Variants in XKR6 observed in about 807,000 individuals in gnomAD.
The protein encoded by XKR6 is XK-related protein 6.
Under a neutral mutation model 56.7 loss-of-function variants are expected in XKR6, and 22 were observed. The observed-to-expected ratio is 0.39, with a 90% CI of 0.28 to 0.55. The LOEUF is 0.55. Among genes scored for constraint, XKR6 ranks in the 20% least tolerant of loss-of-function variants. XKR6 has a pLI of 0.66. For synonymous variants in XKR6, 524 were observed against 387.8 expected, an observed-to-expected ratio of 1.35 and a Z score of -4.13; for missense variants, 852 against 889.0, an observed-to-expected ratio of 0.96 and a Z score of 0.53.
intron 1 of XKR6, among the ~76,000 whole-genome samples, chr8:10,939,654 C>T (rs569094702): frequency 6.6e-6 from 1 of 152,352 alleles, no homozygotes; most frequent in South Asian, 2.1e-4. Flanking sequence ...CCTAAGACTC[C>T]AGGCTGGTTC....
intron 1 of XKR6, among the ~76,000 whole-genome samples, chr8:11,092,953 C>G (rs569907780): frequency 2.6e-5 from 4 of 152,248 alleles, no homozygotes; most frequent in Non-Finnish European, 5.9e-5. Context: ...CTCCTGCCCA[C>G]CATGCAGCCC....
chr8:10,902,140 G>T (rs955510477), intron 2 of XKR6, among the ~76,000 whole-genome samples: 7 of 152,130 alleles, frequency 4.6e-5, no homozygotes, highest in Non-Finnish European at 1.0e-4. Flanking sequence ...TCGCCCAAGG[G>T]TACTGCACAG....
At position 11,059,582 on chromosome 8, in the gene XKR6, G is replaced by A. The variant is rs1042395759; in HGVS notation, c.765-134752C>T. Among the ~76,000 whole-genome samples, 10 of 151,802 alleles carry A rather than the reference G, an allele frequency of 6.6e-5. 1 individual carries two copies. The highest frequency in any genetic ancestry group is 2.9e-5 in the Non-Finnish European group (2 of 67,920). On this transcript the variant is annotated intron_variant, in intron 1 of 2. Transcript: ENST00000416569. ...AGAGCTCGGCTCCTCTTCCAGGCGC[G>A]CGGCGGTGCCAGTGGAGGAGGAGCA...
intron 1 of XKR6, among the ~76,000 whole-genome samples, chr8:11,012,371 C>A (rs1798520413): frequency 6.6e-6 from 1 of 152,204 alleles, no homozygotes; most frequent in Non-Finnish European, 1.5e-5. Flanking sequence ...AATGACAGCA[C>A]CTATATCTTA....
At chr8:10,903,816 G>A (rs1282571939) in intron 2 of XKR6, among the ~76,000 whole-genome samples, 1 of 152,144 alleles carries the variant, frequency 6.6e-6, no homozygotes, top group Non-Finnish European at 1.5e-5. Context: ...CTGAGCAGAC[G>A]TACACCGTGC....
chr8:10,959,703 G>T (rs1802004345), intron 1 of XKR6, among the ~76,000 whole-genome samples: 1 of 152,116 alleles, frequency 6.6e-6, no homozygotes, highest in East Asian at 1.9e-4. Flanking sequence ...CCCACTGTGG[G>T]TTACCCTTCA....
chr8:10,899,177 T>G (rs1347746043), intron 2 of XKR6, among the ~76,000 whole-genome samples: 2 of 152,184 alleles, frequency 1.3e-5, no homozygotes, highest in Non-Finnish European at 2.9e-5. Context: ...CCAGTGTGTT[T>G]TGCTAGGGGG....
At chr8:11,069,718 A>G (rs1800069563) in intron 1 of XKR6, among the ~76,000 whole-genome samples, 1 of 94,316 alleles carries the variant, frequency 1.1e-5, no homozygotes, top group Non-Finnish European at 2.0e-5. Context: ...AAGAGAGTTC[A>G]GGGGTCAGTA....
At chr8:11,194,097 C>G (rs1473001901) in intron 1 of XKR6, among the ~76,000 whole-genome samples, 5 of 152,198 alleles carry the variant, frequency 3.3e-5, no homozygotes, top group African/African-American at 1.2e-4. Context: ...TCCGAATCAG[C>G]ACCTAGGAGA....
At chr8:11,157,497 T>C (rs1586628742) in intron 1 of XKR6, among the ~76,000 whole-genome samples, 1 of 147,176 alleles carries the variant, frequency 6.8e-6, no homozygotes, top group Non-Finnish European at 1.5e-5. Context: ...TATGTATGTA[T>C]GTATGTATGT....
intron 1 of XKR6, among the ~76,000 whole-genome samples, chr8:11,007,513 A>G (rs980274211): frequency 6.6e-6 from 1 of 152,176 alleles, no homozygotes; most frequent in Non-Finnish European, 1.5e-5. Context: ...CACAGCCAGT[A>G]ATGTCGTTTC....
At chr8:10,951,231 A>G (rs1181364319) in intron 1 of XKR6, among the ~76,000 whole-genome samples, 2 of 149,698 alleles carry the variant, frequency 1.3e-5, no homozygotes, top group African/African-American at 4.9e-5. Flanking sequence ...AGTGATGGAA[A>G]CTCATGCTGG....
chr8:10,990,070 T>C (rs1277336020), intron 1 of XKR6, among the ~76,000 whole-genome samples: 1 of 152,212 alleles, frequency 6.6e-6, no homozygotes, highest in Non-Finnish European at 1.5e-5. Context: ...CAGACAGCAG[T>C]GGTGCACCTT....
chr8:11,093,343 C>T (rs1302004049), intron 1 of XKR6, among the ~76,000 whole-genome samples: 2 of 152,244 alleles, frequency 1.3e-5, no homozygotes, highest in African/African-American at 4.8e-5. Flanking sequence ...GAGTGAGCCA[C>T]CACGCCCAGA....
At chr8:11,188,612 C>T (rs1293067434) in intron 1 of XKR6, among the ~76,000 whole-genome samples, 1 of 152,204 alleles carries the variant, frequency 6.6e-6, no homozygotes, top group South Asian at 2.1e-4. Flanking sequence ...TTTTCTTCAG[C>T]TTTGAAGGCA....
chr8:11,102,734 C>G (rs1288552803), intron 1 of XKR6, among the ~76,000 whole-genome samples: 1 of 152,136 alleles, frequency 6.6e-6, no homozygotes. Context: ...AGGGACAGAG[C>G]TGACATGGGA....
chr8:11,132,785 ACG>A (rs1800175419), intron 1 of XKR6, among the ~76,000 whole-genome samples: 2 of 146,182 alleles, frequency 1.4e-5, no homozygotes, highest in East Asian at 3.9e-4. Context: ...ACACACACAC[ACG>A]CACATTTTTT....
chr8:11,078,295 G>C (rs1374672933), intron 1 of XKR6, among the ~76,000 whole-genome samples: 1 of 152,240 alleles, frequency 6.6e-6, no homozygotes, highest in Non-Finnish European at 1.5e-5. Flanking sequence ...GGCACCATGA[G>C]TCTAAGGGAT....
Position 11,018,728 on chromosome 8 carries a change from T to C in XKR6, c.765-93898A>G, listed in dbSNP as rs544744615. On this transcript the variant is annotated intron_variant, in intron 1 of 2. Coordinates refer to ENST00000416569, the MANE Select transcript of XKR6 (RefSeq NM_173683.4). ...ACACAGAACACCAAAAGATTCTTCC[T>C]GAAACATGGTCCATTAAGCTCCTGC... 1.5e-4 allele frequency among the ~76,000 whole-genome samples: 23 copies of C among 152,284 alleles called. No individual in the cohort carries two copies. In the South Asian group the frequency reaches 4.2e-3, roughly 27 times the overall value.
Sources: allele counts gnomAD v4.1 joint callset (sites outside exome capture counted in the v4.1 genomes callset), GRCh38; gene constraint gnomAD v4.1.1; transcripts MANE v1.5; gene names NCBI Gene and HGNC (gene_info 2026-07-23, HGNC 2026-07-21).